The following SORL1-AS1 variants were observed in gnomAD, a reference collection of about 807,000 sequenced individuals.
SORL1-AS1 encodes the protein SORL1 antisense RNA 1.
Position 121,452,668 on chromosome 11 carries a change from TC to T in SORL1-AS1, n.339+6del. ...TCCAGTTTTTTCCTCTCCCTGCACTTCCTCACCCCCGCATCCATCCGTTGCA... is the reference window on the plus strand; with the variant it reads ...TCCAGTTTTTTCCTCTCCCTGCACTTCTCACCCCCGCATCCATCCGTTGCA... On this transcript the variant is annotated splice_donor_region_variant and intron_variant and non_coding_transcript_variant, in intron 1 of 1. Transcript: ENST00000501964. The surrounding 1 kb of genome is among the most constrained non-coding windows in gnomAD (Gnocchi z 5.3). 1 of 1,378,764 alleles carries T rather than the reference TC, an allele frequency of 7.3e-7. No homozygotes were observed. The highest frequency in any genetic ancestry group is 9.4e-7 in the Non-Finnish European group (1 of 1,063,408). The allele number at this position is 1,378,764 out of a possible 1,614,324, so 85.4% of individuals were successfully genotyped here. A position where few individuals can be genotyped will look rare whatever the true frequency, so the allele number is the denominator to read the frequency against.
chr11:121,446,168 T>C (rs1456820545), downstream of SORL1-AS1, among the ~76,000 whole-genome samples: 1 of 152,220 alleles, frequency 6.6e-6, no homozygotes, highest in African/African-American at 2.4e-5. Flanking sequence ...TAGGATCTAC[T>C]CTGTCTCTGT....
chr11:121,446,470 G>A (rs143303782), downstream of SORL1-AS1, among the ~76,000 whole-genome samples: 577 of 152,250 alleles, frequency 3.8e-3, 4 homozygotes, highest in African/African-American at 0.013. Flanking sequence ...CCAGGAGAAG[G>A]CCAGGCATGG....
chr11:121,447,115 G>A (rs1355647851), downstream of SORL1-AS1, among the ~76,000 whole-genome samples: 2 of 152,040 alleles, frequency 1.3e-5, no homozygotes, highest in Non-Finnish European at 2.9e-5. Flanking sequence ...AATTTCCTAG[G>A]GACCCTCAGC....
At chr11:121,451,820 G>C (rs1305009910) in intron 1 of SORL1-AS1, among the ~76,000 whole-genome samples, 3 of 152,208 alleles carry the variant, frequency 2.0e-5, no homozygotes, top group Non-Finnish European at 2.9e-5. Context: ...CCTGGAGGTG[G>C]GGATGAGGCC....
Position 121,452,049 on chromosome 11 carries a change from C to T in SORL1-AS1, n.339+626G>A, listed in dbSNP as rs1444464033. On this transcript the variant is annotated intron_variant and non_coding_transcript_variant, in intron 1 of 1. Transcript: ENST00000501964. The surrounding 1 kb of genome is among the most constrained non-coding windows in gnomAD (Gnocchi z 5.3). ...CCACCGGCGCTCGCTGCCTTAACTT[C>T]CCCATCCCCGCGCCAGGGAGGGGCC... Among the ~76,000 whole-genome samples, 18 of 152,138 alleles carry T rather than the reference C, an allele frequency of 1.2e-4. No homozygotes were observed. The highest frequency in any genetic ancestry group is 4.6e-4 in the Admixed American group (7 of 15,290).
rs1309278472 is a variant in SORL1-AS1 at position 121,452,314 on chromosome 11, A to G, written n.339+361T>C. ...CTCTCCTGGCGGCGGCGCCACCTGC[A>G]GTAGCGTTCGCCCGAACATGGCGAC... On this transcript the variant is annotated intron_variant and non_coding_transcript_variant, in intron 1 of 1. Transcript: ENST00000501964. The surrounding 1 kb of genome is among the most constrained non-coding windows in gnomAD (Gnocchi z 5.3). The G allele has an allele frequency of 6.6e-7, 1 of 1,514,698 alleles. No homozygotes were observed. Among genetic ancestry groups the G allele is most frequent in the Non-Finnish European group, 8.8e-7 (1 of 1,134,558 alleles). 93.8% of individuals were successfully genotyped at this position (1,514,698 alleles called of 1,614,324 possible).
rs1860831504 is a variant in SORL1-AS1 at position 121,452,921 on chromosome 11, A to C, written n.93T>G. On this transcript the variant is annotated non_coding_transcript_exon_variant, in exon 1 of 2. Transcript: ENST00000501964. The surrounding 1 kb of genome is among the most constrained non-coding windows in gnomAD (Gnocchi z 5.3). ...TAGGAGGGGTGCAGCTTCATTTTAC[A>C]TCTGGATAAAAAACGGGCTTTCTTT... 9.6e-6 allele frequency: 3 copies of C among 313,622 alleles called. No homozygotes were observed. Among genetic ancestry groups the C allele is most frequent in the African/African-American group, 2.1e-5 (1 of 46,762 alleles). The allele number at this position is 313,622 out of a possible 1,614,324, so 19.4% of individuals were successfully genotyped here. A position where few individuals can be genotyped will look rare whatever the true frequency, so the allele number is the denominator to read the frequency against.
At chr11:121,440,004 G>A in the SORL1-AS1 span, among the ~76,000 whole-genome samples, 1 of 152,188 alleles carries the variant, frequency 6.6e-6, no homozygotes, top group South Asian at 2.1e-4. Flanking sequence ...GAAGTTCACA[G>A]TGTTCTGGGT....
chr11:121,441,307 A>T, the SORL1-AS1 span, among the ~76,000 whole-genome samples: 1 of 151,534 alleles, frequency 6.6e-6, no homozygotes, highest in East Asian at 1.9e-4. Context: ...GCAGATCACG[A>T]GGTCAGGAGA....
chr11:121,440,591 T>C, the SORL1-AS1 span, among the ~76,000 whole-genome samples: 5 of 152,316 alleles, frequency 3.3e-5, no homozygotes, highest in South Asian at 1.0e-3. Context: ...AAACTAGAAT[T>C]TCTTTCTCCC....
the SORL1-AS1 span, among the ~76,000 whole-genome samples, chr11:121,441,011 G>A: frequency 6.6e-6 from 1 of 152,152 alleles, no homozygotes; most frequent in Non-Finnish European, 1.5e-5. Flanking sequence ...GCCCCTACTG[G>A]TTGCAGAAGT....
At chr11:121,449,885 T>C (rs1487716138) in exon 2 of SORL1-AS1, 1 of 152,132 alleles carries the variant, frequency 6.6e-6, no homozygotes. Flanking sequence ...TCTTGGGGGG[T>C]TGCTGATTAT....
At chr11:121,439,880 A>G in the SORL1-AS1 span, among the ~76,000 whole-genome samples, 1 of 152,252 alleles carries the variant, frequency 6.6e-6, no homozygotes, top group South Asian at 2.1e-4. Flanking sequence ...AAAAATCAGT[A>G]AGACAAGGGC....
downstream of SORL1-AS1, among the ~76,000 whole-genome samples, chr11:121,446,968 G>A (rs1032721952): frequency 6.6e-6 from 1 of 152,154 alleles, no homozygotes; most frequent in Non-Finnish European, 1.5e-5. Flanking sequence ...TACAGCAAAG[G>A]CCTCAAGGGA....
At position 121,452,488 on chromosome 11, in the gene SORL1-AS1, G is replaced by C. The variant is rs983084281; in HGVS notation, n.339+187C>G. 6.7e-7 allele frequency: 1 copy of C among 1,489,144 alleles called. No individual in the cohort carries two copies. The highest frequency in any genetic ancestry group is 8.9e-7 in the Non-Finnish European group (1 of 1,121,760). The allele number at this position is 1,489,144 out of a possible 1,614,324, so 92.2% of individuals were successfully genotyped here. A position where few individuals can be genotyped will look rare whatever the true frequency, so the allele number is the denominator to read the frequency against. On this transcript the variant is annotated intron_variant and non_coding_transcript_variant, in intron 1 of 1. Coordinates refer to ENST00000501964, the Ensembl canonical transcript of SORL1-AS1. This position sits in a 1 kb window ranked among gnomAD's most constrained non-coding sequence, Gnocchi z 5.3. ...GGACCGGGGCTTCCTCGTGGTGCAG[G>C]GCGACCCGCGCGAGCTGCGGCTGTG...
chr11:121,444,732 G>T (rs1283448615), downstream of SORL1-AS1, among the ~76,000 whole-genome samples: 3 of 152,200 alleles, frequency 2.0e-5, no homozygotes, highest in Non-Finnish European at 4.4e-5. Flanking sequence ...AGATGGGGGA[G>T]CAGGAACCAC....
At chr11:121,451,333 G>T (rs1398246649) in intron 1 of SORL1-AS1, among the ~76,000 whole-genome samples, 1 of 152,192 alleles carries the variant, frequency 6.6e-6, no homozygotes, top group Non-Finnish European at 1.5e-5. Flanking sequence ...AGTTTGGCTC[G>T]TCAAGCTGAA....
rs766279573 is a variant in SORL1-AS1, at chr11:121,452,399, C to T, written n.339+276G>A. On this transcript the variant is annotated intron_variant and non_coding_transcript_variant, in intron 1 of 1. Coordinates refer to ENST00000501964, the Ensembl canonical transcript of SORL1-AS1. This position sits in a 1 kb window ranked among gnomAD's most constrained non-coding sequence, Gnocchi z 5.3. ...CTATTCACCCTGGTCGCACTGCTGC[C>T]GCCCGGAGCTCTCTGCGAAGTCTGG... 13 of 1,535,490 alleles carry T rather than the reference C, an allele frequency of 8.5e-6. No individual in the cohort carries two copies. In the East Asian group the frequency reaches 3.2e-4, roughly 38 times the overall value.
downstream of SORL1-AS1, among the ~76,000 whole-genome samples, chr11:121,445,375 G>C (rs1389243011): frequency 6.6e-6 from 1 of 152,168 alleles, no homozygotes; most frequent in Non-Finnish European, 1.5e-5. Flanking sequence ...GCTGGAAGAA[G>C]CACTTCTCAG....
Sources: allele counts gnomAD v4.1 joint callset (sites outside exome capture counted in the v4.1 genomes callset), GRCh38; gene constraint gnomAD v4.1.1; non-coding constraint Gnocchi (gnomAD v3.1); transcripts MANE v1.5; gene names NCBI Gene and HGNC (gene_info 2026-07-23, HGNC 2026-07-21).